The following PTPRN2 variants were observed in gnomAD, a reference collection of about 807,000 sequenced individuals.
PTPRN2 encodes the protein receptor-type tyrosine-protein phosphatase N2.
A neutral mutation model predicts 118.8 loss-of-function variants in PTPRN2; 74 were observed. That is an observed-to-expected ratio of 0.62 (90% CI 0.52 to 0.76). The LOEUF is 0.76. PTPRN2 is among the 30% of genes least tolerant of loss of function. The pLI is 0.00. For missense variants in PTPRN2, 1,481 were observed against 1,394.4 expected (o/e 1.06, Z -0.99); for synonymous variants, 641 against 608.0 (o/e 1.05, Z -0.80).
chr7:157,611,830 C>T lies in PTPRN2; in HGVS notation c.2345-7755G>A, dbSNP rs1456888485. On this transcript the variant is annotated intron_variant, in intron 15 of 22. Coordinates refer to ENST00000389418, the MANE Select transcript of PTPRN2 (RefSeq NM_002847.5). The surrounding 1 kb of genome is among the most constrained non-coding windows in gnomAD (Gnocchi z 5.9). The stretch of plus-strand genomic sequence containing the variant: ...GCCCGTGTGAAGACGAAGACAGCCG[C>T]AGTCATGCTGGGGACACGCGGAGGG... Among the ~76,000 whole-genome samples the T allele has an allele frequency of 7.2e-6, 1 of 139,574 alleles. No individual in the cohort carries two copies. The highest frequency in any genetic ancestry group is 1.5e-5 in the Non-Finnish European group (1 of 65,008). The allele number at this position is 139,574 out of a possible 152,430, so 91.6% of individuals were successfully genotyped here.
chr7:158,196,014 C>T (rs1270628576), intron 4 of PTPRN2, among the ~76,000 whole-genome samples: 2 of 152,178 alleles, frequency 1.3e-5, no homozygotes, highest in African/African-American at 4.8e-5. Context: ...TTATCTATGA[C>T]AAATTACTCC....
intron 2 of PTPRN2, among the ~76,000 whole-genome samples, chr7:158,401,076 C>T (rs1280293291): frequency 1.3e-5 from 2 of 152,102 alleles, no homozygotes; most frequent in Non-Finnish European, 2.9e-5. Context: ...AAAGAGAAAG[C>T]GGCACCGCCA....
intron 11 of PTPRN2, among the ~76,000 whole-genome samples, chr7:157,920,086 G>A (rs1011415566): frequency 3.3e-5 from 5 of 152,108 alleles, no homozygotes; most frequent in African/African-American, 1.2e-4. Context: ...TGTGATGCTC[G>A]CACAACGACG....
At chr7:158,357,440 C>A (rs540377138) in intron 2 of PTPRN2, among the ~76,000 whole-genome samples, 2 of 152,334 alleles carry the variant, frequency 1.3e-5, no homozygotes, top group East Asian at 3.9e-4. Flanking sequence ...GGCTTCCTGG[C>A]TTGCTCGGTA....
chr7:158,353,270 C>G (rs568403836), intron 2 of PTPRN2, among the ~76,000 whole-genome samples: 68 of 152,304 alleles, frequency 4.5e-4, no homozygotes, highest in Middle Eastern at 6.8e-3. Context: ...TAGAAAACAA[C>G]ACAATAGAAG....
At position 158,251,844 on chromosome 7, in the gene PTPRN2, G is replaced by A. The variant is rs533637790; in HGVS notation, c.278-46571C>T. On this transcript the variant is annotated intron_variant, in intron 3 of 22. Coordinates refer to ENST00000389418, the MANE Select transcript of PTPRN2 (RefSeq NM_002847.5). Reference sequence around the variant, plus strand: ...CACACCTTAATAAAGCCCAGAGTATGCTCAGCACAGTAAGTGTGCAAATCC... The same window carrying A: ...CACACCTTAATAAAGCCCAGAGTATACTCAGCACAGTAAGTGTGCAAATCC... 2.6e-3 allele frequency among the ~76,000 whole-genome samples: 399 copies of A among 152,240 alleles called. 5 individuals carry two copies. The highest frequency in any genetic ancestry group is 9.0e-3 in the African/African-American group (374 of 41,526).
rs1447133977 is a variant in PTPRN2 at position 157,868,371 on chromosome 7, C to T, written c.1788+30302G>A. ...CATCTCCACGATGAACGTAGGACAC[C>T]AGGACATTGGATCTCTGCGGGGCAG... On this transcript the variant is annotated intron_variant, in intron 12 of 22. Coordinates refer to ENST00000389418, the MANE Select transcript of PTPRN2 (RefSeq NM_002847.5). The surrounding 1 kb of genome is among the most constrained non-coding windows in gnomAD (Gnocchi z 5.2). Among the ~76,000 whole-genome samples the T allele has an allele frequency of 6.6e-6, 1 of 152,156 alleles. No individual in the cohort carries two copies. Among genetic ancestry groups the T allele is most frequent in the African/African-American group, 2.4e-5 (1 of 41,428 alleles).
rs943949478 is a variant in PTPRN2, at chr7:157,611,994, G to A, written c.2345-7919C>T. Among the ~76,000 whole-genome samples the A allele has an allele frequency of 4.1e-4, 62 of 152,216 alleles. No homozygotes were observed. The highest frequency in any genetic ancestry group is 7.3e-5 in the Non-Finnish European group (5 of 68,042). Reference sequence around the variant, plus strand: ...GAGAAGCCAGCCCTGCTGACACCCTGACCTCCATTTCTGGCCTCCGGAATG... The same window carrying A: ...GAGAAGCCAGCCCTGCTGACACCCTAACCTCCATTTCTGGCCTCCGGAATG... On this transcript the variant is annotated intron_variant, in intron 15 of 22. Coordinates refer to ENST00000389418, the MANE Select transcript of PTPRN2 (RefSeq NM_002847.5). The surrounding 1 kb of genome is among the most constrained non-coding windows in gnomAD (Gnocchi z 5.9).
chr7:157,953,483 T>G lies in PTPRN2; in HGVS notation c.1724-54746A>C, dbSNP rs1334212536. Among the ~76,000 whole-genome samples, 1 of 152,150 alleles carries G rather than the reference T, an allele frequency of 6.6e-6. No homozygotes were observed. Among genetic ancestry groups the G allele is most frequent in the Non-Finnish European group, 1.5e-5 (1 of 68,024 alleles). ...GAGTGCCCGTCACCACCTGCCCACC[T>G]TCTTCACACCATGAGGCTGCTGGCA... is the stretch of plus-strand genomic sequence containing the variant. On this transcript the variant is annotated intron_variant, in intron 11 of 22. Coordinates refer to ENST00000389418, the MANE Select transcript of PTPRN2 (RefSeq NM_002847.5). This position sits in a 1 kb window ranked among gnomAD's most constrained non-coding sequence, Gnocchi z 4.6.
chr7:158,227,051 G>A (rs1828840662), intron 3 of PTPRN2, among the ~76,000 whole-genome samples: 1 of 152,116 alleles, frequency 6.6e-6, no homozygotes, highest in Non-Finnish European at 1.5e-5. Context: ...AGGACCCTGG[G>A]TCACAGGACG....
intron 12 of PTPRN2, among the ~76,000 whole-genome samples, chr7:157,718,788 G>A (rs187245936): frequency 3.0e-4 from 46 of 152,216 alleles, no homozygotes; most frequent in Admixed American, 5.2e-4. Flanking sequence ...CCAGGCGTCC[G>A]CGGTGACACT....
In PTPRN2 at chr7:157,990,115, TAC is replaced by T; in HGVS notation, c.1723+91181_1723+91182del. Among the ~76,000 whole-genome samples the T allele has an allele frequency of 6.6e-6, 1 of 151,908 alleles. No homozygotes were observed. Among genetic ancestry groups the T allele is most frequent in the South Asian group, 2.1e-4 (1 of 4,794 alleles). ...GCAAGTTGCTCTTCTGCGCTCCAAA[TAC>T]ACCGAGACGAAAACAAGCCCAGGTG... On this transcript the variant is annotated intron_variant, in intron 11 of 22. Coordinates refer to ENST00000389418, the MANE Select transcript of PTPRN2 (RefSeq NM_002847.5). This position sits in a 1 kb window ranked among gnomAD's most constrained non-coding sequence, Gnocchi z 4.3.
At chr7:157,551,244 G>C (rs753548963) in intron 21 of PTPRN2, among the ~76,000 whole-genome samples, 2 of 152,098 alleles carry the variant, frequency 1.3e-5, no homozygotes, top group Non-Finnish European at 2.9e-5. Flanking sequence ...CATATTGTCT[G>C]TTGCACCCGT....
At chr7:158,253,376 C>A (rs1796812582) in intron 3 of PTPRN2, among the ~76,000 whole-genome samples, 1 of 152,226 alleles carries the variant, frequency 6.6e-6, no homozygotes, top group Non-Finnish European at 1.5e-5. Flanking sequence ...TTTCTTTTAA[C>A]AACGTGCTCC....
intron 1 of PTPRN2, among the ~76,000 whole-genome samples, chr7:158,557,404 T>A (rs978311911): frequency 3.9e-5 from 6 of 152,070 alleles, no homozygotes; most frequent in African/African-American, 1.4e-4. Flanking sequence ...CCCGCGCAGG[T>A]CAGGCAGCTC....
chr7:158,528,998 A>G (rs1372379681), intron 1 of PTPRN2, among the ~76,000 whole-genome samples: 1 of 152,174 alleles, frequency 6.6e-6, no homozygotes, highest in Non-Finnish European at 1.5e-5. Flanking sequence ...TGTGCTCACG[A>G]AAGTCAGCCT....
intron 13 of PTPRN2, among the ~76,000 whole-genome samples, chr7:157,661,672 C>T (rs1331881005): frequency 6.6e-6 from 1 of 150,998 alleles, no homozygotes; most frequent in African/African-American, 2.4e-5. Context: ...CAGGGAGGAA[C>T]GGGATGGTGG....
At chr7:157,677,433 T>C (rs1020652096) in intron 13 of PTPRN2, among the ~76,000 whole-genome samples, 4 of 152,316 alleles carry the variant, frequency 2.6e-5, no homozygotes, top group African/African-American at 7.2e-5. Flanking sequence ...CTTTCGAGAC[T>C]TCATTGTTCT....
At chr7:158,006,510 G>T (rs1403064236) in intron 11 of PTPRN2, among the ~76,000 whole-genome samples, 1 of 152,234 alleles carries the variant, frequency 6.6e-6, no homozygotes, top group Non-Finnish European at 1.5e-5. Flanking sequence ...GTGAGTCCCA[G>T]CGCCAGGCAA....
Sources: allele counts gnomAD v4.1 joint callset (sites outside exome capture counted in the v4.1 genomes callset), GRCh38; gene constraint gnomAD v4.1.1; non-coding constraint Gnocchi (gnomAD v3.1); transcripts MANE v1.5; gene names NCBI Gene and HGNC (gene_info 2026-07-23, HGNC 2026-07-21).